Variants in GRM7 observed in about 807,000 individuals in gnomAD.
The protein encoded by GRM7 is glutamate metabotropic receptor 7.
GRM7 carries 35 observed loss-of-function variants against 84.5 expected under a neutral mutation model. The ratio of observed to expected loss-of-function variants is 0.41; its 90% CI spans 0.32 to 0.55. GRM7 has a LOEUF of 0.55. Ranked by LOEUF, GRM7 falls within the 20% of genes least tolerant of loss-of-function variation. The pLI is 0.19. For missense variants in GRM7, 1,003 were observed against 1,194.6 expected (o/e 0.84, Z 2.36); for synonymous variants, 487 against 455.1 (o/e 1.07, Z -0.89).
intron 9 of GRM7, chr3:7,691,224 C>G (rs1467859756): frequency 3.9e-6 from 5 of 1,271,758 alleles, no homozygotes; most frequent in African/African-American, 3.1e-5. Context: ...CTCTGAGGAC[C>G]TCAGCTTGCA....
intron 1 of GRM7, among the ~76,000 whole-genome samples, chr3:6,932,769 T>C (rs957351955): frequency 6.8e-6 from 1 of 147,708 alleles, no homozygotes; most frequent in Non-Finnish European, 1.5e-5. Context: ...TTTTTTTTTT[T>C]TTTGAGACAG....
rs188054243 is a variant in GRM7, at chr3:7,525,405, G to A, written c.1516-53017G>A. ...TAGGAAACTGATTTGTTTTTGGGGG[G>A]ATGGGGTCTCCCTATGTTACCCAGG... On this transcript the variant is annotated intron_variant, in intron 7 of 9. Transcript: ENST00000357716. 4.6e-5 allele frequency among the ~76,000 whole-genome samples: 7 copies of A among 152,184 alleles called. No individual in the cohort carries two copies. In the East Asian group the frequency reaches 9.7e-4, roughly 21 times the overall value.
intron 5 of GRM7, among the ~76,000 whole-genome samples, chr3:7,436,854 A>C (rs1697076677): frequency 6.6e-6 from 1 of 152,178 alleles, no homozygotes. Flanking sequence ...CCTTGCTTGC[A>C]GAAATACCCC....
At chr3:7,736,639 G>T (rs2106530921) in intron 9 of GRM7, among the ~76,000 whole-genome samples, 1 of 152,252 alleles carries the variant, frequency 6.6e-6, no homozygotes, top group South Asian at 2.1e-4. Context: ...GTTCAGGATA[G>T]TAGATACTAT....
chr3:7,289,550 C>G (rs1164892871), intron 2 of GRM7, among the ~76,000 whole-genome samples: 1 of 152,162 alleles, frequency 6.6e-6, no homozygotes, highest in East Asian at 1.9e-4. Context: ...TATAAAGACA[C>G]ATGCACATAT....
intron 1 of GRM7, among the ~76,000 whole-genome samples, chr3:6,907,848 A>C (rs1245407553): frequency 6.6e-6 from 1 of 152,142 alleles, no homozygotes; most frequent in Non-Finnish European, 1.5e-5. Flanking sequence ...CACACTTTTA[A>C]GTTTATTTGT....
At chr3:7,045,300 T>C (rs1224975990) in intron 1 of GRM7, among the ~76,000 whole-genome samples, 3 of 152,192 alleles carry the variant, frequency 2.0e-5, no homozygotes, top group African/African-American at 4.8e-5. Flanking sequence ...TTATAAGACC[T>C]GTTGCTGAAT....
chr3:7,018,054 C>T (rs995853012), intron 1 of GRM7, among the ~76,000 whole-genome samples: 9 of 152,080 alleles, frequency 5.9e-5, no homozygotes, highest in African/African-American at 9.7e-5. Flanking sequence ...AACCATTGAT[C>T]TAATTTTAAA....
chr3:7,650,056 A>G (rs758483355), intron 8 of GRM7, among the ~76,000 whole-genome samples: 2 of 152,178 alleles, frequency 1.3e-5, no homozygotes, highest in African/African-American at 2.4e-5. Context: ...TTGTATTTGA[A>G]TGCTTGTGTC....
chr3:7,383,406 A>T (rs952831621), intron 4 of GRM7, among the ~76,000 whole-genome samples: 10 of 152,218 alleles, frequency 6.6e-5, no homozygotes, highest in African/African-American at 2.4e-4. Context: ...AAGCTTTGTG[A>T]TCCAAACAGA....
chr3:7,596,262 G>A (rs1206505359), intron 8 of GRM7, among the ~76,000 whole-genome samples: 2 of 1,796 alleles, frequency 1.1e-3, no homozygotes, highest in Non-Finnish European at 1.9e-3. Flanking sequence ...CAAGACTAGA[G>A]GAGAGGGAAG....
intron 8 of GRM7, among the ~76,000 whole-genome samples, chr3:7,676,296 C>T (rs984166927): frequency 4.6e-5 from 7 of 152,090 alleles, no homozygotes; most frequent in African/African-American, 1.4e-4. Context: ...AGCTTCCCTG[C>T]TAGGCTTAGT....
At chr3:6,995,858 C>G (rs1694807362) in intron 1 of GRM7, among the ~76,000 whole-genome samples, 1 of 152,004 alleles carries the variant, frequency 6.6e-6, no homozygotes, top group African/African-American at 2.4e-5. Context: ...TCACTTAAAC[C>G]CTAATTTTAA....
chr3:7,288,416 A>G (rs1033462961), intron 2 of GRM7, among the ~76,000 whole-genome samples: 1 of 152,138 alleles, frequency 6.6e-6, no homozygotes, highest in Non-Finnish European at 1.5e-5. Flanking sequence ...AGGAAATCAT[A>G]TCAGAATTTA....
chr3:7,362,839 G>A (rs1393342891), intron 4 of GRM7, among the ~76,000 whole-genome samples: 1 of 151,982 alleles, frequency 6.6e-6, no homozygotes, highest in African/African-American at 2.4e-5. Flanking sequence ...TTAAAAGTAG[G>A]GATTGCAGCT....
chr3:7,144,631 G>A (rs1006607883), intron 1 of GRM7, among the ~76,000 whole-genome samples: 2 of 152,214 alleles, frequency 1.3e-5, no homozygotes, highest in East Asian at 1.9e-4. Flanking sequence ...TCCAGGCATC[G>A]TGCAAAGCAA....
intron 2 of GRM7, among the ~76,000 whole-genome samples, chr3:7,171,552 G>A (rs532384992): frequency 6.6e-6 from 1 of 152,194 alleles, no homozygotes; most frequent in South Asian, 2.1e-4. Flanking sequence ...ACTCTTATTT[G>A]TGCAGTGATG....
chr3:6,974,243 G>C (rs1432345410), intron 1 of GRM7, among the ~76,000 whole-genome samples: 3 of 152,112 alleles, frequency 2.0e-5, no homozygotes, highest in African/African-American at 7.2e-5. Context: ...ATGGGCCAGT[G>C]GGGGTAGCAA....
At chr3:6,969,597 G>A (rs950352351) in intron 1 of GRM7, among the ~76,000 whole-genome samples, 2 of 152,122 alleles carry the variant, frequency 1.3e-5, no homozygotes, top group Non-Finnish European at 2.9e-5. Flanking sequence ...GCACAGTAGC[G>A]CCTTAATGAA....
Sources: allele counts gnomAD v4.1 joint callset (sites outside exome capture counted in the v4.1 genomes callset), GRCh38; gene constraint gnomAD v4.1.1; transcripts MANE v1.5; gene names NCBI Gene and HGNC (gene_info 2026-07-23, HGNC 2026-07-21).